KLHDC4: variants seen among roughly 807,000 people sequenced by gnomAD.
KLHDC4 encodes the protein kelch domain containing 4.
A neutral mutation model predicts 62.4 loss-of-function variants in KLHDC4; 90 were observed. The observed-to-expected ratio is 1.44, with a 90% CI of 1.22 to 1.72. The LOEUF is 1.72. Among genes scored for constraint, KLHDC4 ranks in the 40% most tolerant of loss-of-function variants. The pLI is 0.00. For synonymous variants in KLHDC4, 386 were observed against 284.4 expected (o/e 1.36, Z -3.59); for missense variants, 1,025 against 699.7 (o/e 1.47, Z -5.25).
chr16:87,712,602 G>A (rs1383171144), intron 8 of KLHDC4, among the ~76,000 whole-genome samples: 1 of 152,274 alleles, frequency 6.6e-6, no homozygotes, highest in Non-Finnish European at 1.5e-5. Context: ...GGTGTAGGCT[G>A]GAAAGTGACT....
downstream of KLHDC4, chr16:87,707,743 G>C: frequency 3.2e-6 from 1 of 308,884 alleles, no homozygotes; most frequent in Non-Finnish European, 6.4e-6. Context: ...CCCAGCCCTG[G>C]CCCGGGGCAG....
intron 5 of KLHDC4, among the ~76,000 whole-genome samples, chr16:87,746,451 A>C (rs2043056935): frequency 6.6e-6 from 1 of 152,128 alleles, no homozygotes; most frequent in Admixed American, 6.5e-5. Context: ...CTGACCTCCA[A>C]ATCCGTACTC....
downstream of KLHDC4, chr16:87,703,037 TAAAC>T (rs1444901822): frequency 2.6e-5 from 4 of 152,248 alleles, no homozygotes; most frequent in African/African-American, 4.8e-5. Context: ...CTTTTAGTAA[TAAAC>T]AATGTCGTGT....
chr16:87,701,062 T>A (rs985608119), exon 1 of KLHDC4: 1 of 192,844 alleles, frequency 5.2e-6, no homozygotes, highest in Non-Finnish European at 1.1e-5. Context: ...AGAGTGCAGC[T>A]GCATTTGTTG....
chr16:87,746,387 GAGAC>G (rs1413205620), intron 5 of KLHDC4, among the ~76,000 whole-genome samples: 2 of 151,962 alleles, frequency 1.3e-5, no homozygotes, highest in African/African-American at 2.4e-5. Context: ...AAGAGAGAAA[GAGAC>G]AGAGAGAGAA....
chr16:87,760,658 T>C (rs1289278487), intron 2 of KLHDC4, among the ~76,000 whole-genome samples: 2 of 146,162 alleles, frequency 1.4e-5, no homozygotes, highest in Non-Finnish European at 3.0e-5. Context: ...CTAATCCCCA[T>C]TCAAAGTGGC....
chr16:87,764,226 G>C (rs1429453334), intron 1 of KLHDC4, among the ~76,000 whole-genome samples: 2 of 152,176 alleles, frequency 1.3e-5, no homozygotes, highest in African/African-American at 2.4e-5. Flanking sequence ...TATTTTAAAA[G>C]TTTGTTTTGA....
intron 8 of KLHDC4, among the ~76,000 whole-genome samples, chr16:87,711,692 G>A (rs2035870471): frequency 6.6e-6 from 1 of 151,818 alleles, no homozygotes. Context: ...TCTAAACTAG[G>A]GGCAGCTACA....
intron 2 of KLHDC4, among the ~76,000 whole-genome samples, chr16:87,758,512 G>A (rs1226752441): frequency 6.6e-6 from 1 of 152,210 alleles, no homozygotes; most frequent in Admixed American, 6.5e-5. Flanking sequence ...CACAGTGACA[G>A]AAAGTTGACC....
At chr16:87,716,188 T>C (rs1318286254) in intron 7 of KLHDC4, among the ~76,000 whole-genome samples, 1 of 149,852 alleles carries the variant, frequency 6.7e-6, no homozygotes, top group Non-Finnish European at 1.5e-5. Flanking sequence ...ACGTAGACTT[T>C]GGGTACACGC....
chr16:87,762,776 T>A (rs2046078080), intron 1 of KLHDC4, among the ~76,000 whole-genome samples: 2 of 152,096 alleles, frequency 1.3e-5, no homozygotes, highest in South Asian at 4.2e-4. Flanking sequence ...TCAGTCCCAG[T>A]GCCCATTTCC....
downstream of KLHDC4, among the ~76,000 whole-genome samples, chr16:87,705,865 C>G (rs2034608130): frequency 6.6e-6 from 1 of 152,214 alleles, no homozygotes; most frequent in African/African-American, 2.4e-5. Context: ...TTCCAACCAG[C>G]TTAGCTGAGA....
At chr16:87,720,509 A>G (rs1228644270) in intron 7 of KLHDC4, among the ~76,000 whole-genome samples, 2 of 152,126 alleles carry the variant, frequency 1.3e-5, no homozygotes, top group South Asian at 2.1e-4. Flanking sequence ...CCTCCTCACC[A>G]CACAACCACA....
downstream of KLHDC4, among the ~76,000 whole-genome samples, chr16:87,703,944 G>A (rs572469933): frequency 1.1e-4 from 16 of 152,082 alleles, no homozygotes; most frequent in African/African-American, 3.4e-4. Context: ...GGCCTCCAGC[G>A]CCCCCGGCCT....
At chr16:87,709,825 G>A (rs2035422763) in intron 9 of KLHDC4, 158 bp from the exon 10 acceptor site, 8 of 827,672 alleles carry the variant, frequency 9.7e-6, no homozygotes, top group African/African-American at 3.4e-5. Flanking sequence ...CCTGGGTGCA[G>A]GCACTGGGCT....
rs534404874 is a variant in KLHDC4, at chr16:87,754,822, C to A, written c.369+372G>T. 1.4e-4 allele frequency among the ~76,000 whole-genome samples: 21 copies of A among 152,330 alleles called. No homozygotes were observed. The South Asian group carries it at 3.3e-3, about 24-fold the overall frequency. Reference sequence around the variant, plus strand: ...CGGTTACCACTCGTTTCCGCTAATACAATTGTTTTCCTTCCACCATGCACA... The same window carrying A: ...CGGTTACCACTCGTTTCCGCTAATAAAATTGTTTTCCTTCCACCATGCACA... On this transcript the variant is annotated intron_variant, in intron 4 of 11. Transcript: ENST00000270583.
At chr16:87,706,385 G>T (rs933540001), downstream of KLHDC4, among the ~76,000 whole-genome samples, 3 of 129,552 alleles carry the variant, frequency 2.3e-5, no homozygotes, top group African/African-American at 6.5e-5. Context: ...GGGTCGGCGT[G>T]GGGGGGTTGG....
Position 87,709,587 on chromosome 16 carries a change from TCCCCCACACGCCGG to T in KLHDC4, c.1111_1124del (p.Pro371SerfsTer24), listed in dbSNP as rs1444221766. ...GCTGCACAGGCCCCTGGGTGCCAGC[TCCCCCACACGCCGG>T]CCTGCTACCACCTTCGGGCTCCTCT... is the stretch of plus-strand genomic sequence containing the variant. On this transcript the variant is annotated frameshift_variant, in exon 10 of 12. Coordinates refer to ENST00000270583, the MANE Select transcript of KLHDC4 (RefSeq NM_017566.4). LOFTEE classifies it high-confidence loss of function. The T allele has an allele frequency of 6.2e-7, 1 of 1,612,372 alleles. No homozygotes were observed. The highest frequency in any genetic ancestry group is 1.3e-5 in the African/African-American group (1 of 74,808).
At chr16:87,709,905 TGC>T in intron 9 of KLHDC4, 1 of 557,426 alleles carries the variant, frequency 1.8e-6, no homozygotes, top group Non-Finnish European at 3.2e-6. Context: ...AACCCCCCAC[TGC>T]GTGTCCTCAC....
Sources: gnomAD v4.1 joint callset for allele counts (sites outside exome capture counted in the v4.1 genomes callset) on GRCh38, gnomAD v4.1.1 for gene constraint, MANE v1.5 for transcripts, NCBI Gene and HGNC (gene_info 2026-07-23, HGNC 2026-07-21) for gene names.